The following TENM4 variants were observed in gnomAD, a reference collection of about 807,000 sequenced individuals.
The protein encoded by TENM4 is teneurin-4.
TENM4 carries 82 observed loss-of-function variants against 243.3 expected under a neutral mutation model. The observed-to-expected ratio is 0.34, with a 90% CI of 0.28 to 0.40. The LOEUF (loss-of-function observed/expected upper bound fraction) is 0.40. Among genes scored for constraint, TENM4 ranks in the 10% least tolerant of loss-of-function variants. The probability of loss-of-function intolerance (pLI) is 1.00; values close to 1 mark genes in which losing one functional copy is unlikely to be tolerated. For missense variants in TENM4, 3,138 were observed against 3,673.3 expected (o/e 0.85, Z 3.77); for synonymous variants, 1,412 against 1,456.3 (o/e 0.97, Z 0.69).
chr11:79,409,101 T>TGTGTGTGC (rs1471534971), intron 1 of TENM4, among the ~76,000 whole-genome samples: 15 of 103,676 alleles, frequency 1.4e-4, no homozygotes, highest in African/African-American at 5.8e-4. Context: ...TGTGTGTGTG[T>TGTGTGTGC]GCGCGCGCGC....
chr11:79,384,922 T>A (rs2135530861), intron 1 of TENM4, among the ~76,000 whole-genome samples: 1 of 140,800 alleles, frequency 7.1e-6, no homozygotes, highest in South Asian at 2.2e-4. Context: ...CAAGACTCCG[T>A]CTCAAAAAAT....
intron 6 of TENM4, among the ~76,000 whole-genome samples, chr11:78,958,185 A>G (rs1857246903): frequency 6.6e-6 from 1 of 152,204 alleles, no homozygotes. Flanking sequence ...TCCTTATTAA[A>G]TGTCAATTCT....
chr11:78,725,986 TC>T lies in TENM4; in HGVS notation c.3550+92del, dbSNP rs1195961666. ...CTGACCACATAGGAGCCTATGGGATTCAAAATGTGAATTTTTTGTTTGGCAG... is the reference window on the plus strand; with the variant it reads ...CTGACCACATAGGAGCCTATGGGATTAAAATGTGAATTTTTTGTTTGGCAG... On this transcript the variant is annotated intron_variant, in intron 23 of 33. Transcript: ENST00000278550. 4.6e-6 allele frequency: 7 copies of T among 1,533,124 alleles called. No homozygotes were observed. The East Asian group carries it at 1.6e-4, about 35-fold the overall frequency. The allele number at this position is 1,533,124 out of a possible 1,614,324, so 95.0% of individuals were successfully genotyped here.
intron 2 of TENM4, among the ~76,000 whole-genome samples, chr11:79,235,451 G>C (rs1312002448): frequency 6.6e-6 from 1 of 152,174 alleles, no homozygotes; most frequent in Non-Finnish European, 1.5e-5. Context: ...CTCTTCCCTA[G>C]TCATGCGGCC....
At chr11:79,086,649 C>T (rs973462105) in intron 4 of TENM4, among the ~76,000 whole-genome samples, 1 of 152,002 alleles carries the variant, frequency 6.6e-6, no homozygotes, top group African/African-American at 2.4e-5. Context: ...GCCTGGCCAA[C>T]ATGGTGAAAC....
chr11:79,180,353 C>T (rs1268245646), intron 3 of TENM4, among the ~76,000 whole-genome samples: 1 of 151,564 alleles, frequency 6.6e-6, no homozygotes, highest in Non-Finnish European at 1.5e-5. Context: ...GGTTTCCTCA[C>T]AGAAACCTTA....
At chr11:79,018,790 C>T (rs12785810) in intron 6 of TENM4, among the ~76,000 whole-genome samples, 26,602 of 152,226 alleles carry the variant, frequency 0.17, 2,717 homozygotes, top group Non-Finnish European at 0.23. Context: ...TATTCACTGA[C>T]ATTTTTTTAG....
intron 18 of TENM4, among the ~76,000 whole-genome samples, chr11:78,763,418 C>T (rs1216528751): frequency 2.0e-5 from 3 of 152,198 alleles, no homozygotes. Context: ...TCTGGGGGCA[C>T]TCAATGAAAC....
At chr11:79,164,669 T>C (rs2135099262) in intron 3 of TENM4, among the ~76,000 whole-genome samples, 1 of 150,082 alleles carries the variant, frequency 6.7e-6, no homozygotes, top group East Asian at 2.0e-4. Flanking sequence ...CCGTGTGTTA[T>C]GGGAGGGACA....
At chr11:79,352,680 C>T (rs1041891061) in intron 1 of TENM4, among the ~76,000 whole-genome samples, 3 of 152,162 alleles carry the variant, frequency 2.0e-5, no homozygotes, top group African/African-American at 7.2e-5. Flanking sequence ...CTTTGCCGGC[C>T]AGCTGTGGAG....
chr11:78,915,022 A>G (rs1338542174), intron 6 of TENM4, among the ~76,000 whole-genome samples: 2 of 152,230 alleles, frequency 1.3e-5, no homozygotes, highest in African/African-American at 2.4e-5. Context: ...CACTGCCTAC[A>G]GTACGAGACC....
rs187231719 is a variant in TENM4 at position 79,075,195 on chromosome 11, C to G, written c.-65-5186G>C. On this transcript the variant is annotated intron_variant, in intron 4 of 33. Coordinates refer to ENST00000278550, the MANE Select transcript of TENM4 (RefSeq NM_001098816.3). ...TTCATTTAGTTCTCATCATTTCTAC[C>G]TCTGTGAATCGGTCCCATTTTATTG... Among the ~76,000 whole-genome samples the G allele has an allele frequency of 3.9e-5, 6 of 152,372 alleles. No individual in the cohort carries two copies. In the South Asian group the frequency reaches 1.2e-3, roughly 32 times the overall value.
chr11:79,243,649 C>T (rs757198684), intron 2 of TENM4, among the ~76,000 whole-genome samples: 4 of 152,204 alleles, frequency 2.6e-5, no homozygotes, highest in African/African-American at 7.2e-5. Context: ...GAAGGTCACC[C>T]GCTCACCAGG....
At chr11:79,204,157 T>A (rs992690232) in intron 3 of TENM4, among the ~76,000 whole-genome samples, 2 of 152,086 alleles carry the variant, frequency 1.3e-5, no homozygotes, top group Admixed American at 6.5e-5. Flanking sequence ...GGGTATGGGT[T>A]CTTTTGGGGT....
chr11:79,139,779 T>A (rs61882100), intron 4 of TENM4, among the ~76,000 whole-genome samples: 11 of 27,848 alleles, frequency 4.0e-4, no homozygotes, highest in African/African-American at 2.0e-3. Context: ...AAATATATAA[T>A]ATATATTATA....
intron 1 of TENM4, among the ~76,000 whole-genome samples, chr11:79,369,736 T>C (rs1857745758): frequency 1.3e-5 from 2 of 152,200 alleles, no homozygotes; most frequent in African/African-American, 2.4e-5. Flanking sequence ...TATTCATCTG[T>C]AGACCTTAGC....
intron 2 of TENM4, among the ~76,000 whole-genome samples, chr11:79,282,279 C>T (rs1856170296): frequency 6.6e-6 from 1 of 152,188 alleles, no homozygotes; most frequent in Non-Finnish European, 1.5e-5. Context: ...CAATATCCCT[C>T]ATCAGATTGG....
chr11:79,178,875 C>T (rs1863226243), intron 3 of TENM4, among the ~76,000 whole-genome samples: 1 of 152,190 alleles, frequency 6.6e-6, no homozygotes, highest in Admixed American at 6.5e-5. Flanking sequence ...TCATAGGATA[C>T]ACTAATTTCA....
chr11:78,732,741 G>C (rs1029050117), intron 20 of TENM4, among the ~76,000 whole-genome samples, 164 bp from the exon 21 acceptor site: 1 of 152,178 alleles, frequency 6.6e-6, no homozygotes, highest in African/African-American at 2.4e-5. Flanking sequence ...TCCAAACAAT[G>C]GCAGTGATTT....
Sources: allele counts gnomAD v4.1 joint callset (sites outside exome capture counted in the v4.1 genomes callset), GRCh38; gene constraint gnomAD v4.1.1; transcripts MANE v1.5; gene names NCBI Gene and HGNC (gene_info 2026-07-23, HGNC 2026-07-21).